CWF19L1: variants seen among roughly 807,000 people sequenced by gnomAD.
CWF19L1 encodes CWF19 like cell cycle control factor 1, also known as CWF19-like protein 1.
Under a neutral mutation model 69.7 loss-of-function variants are expected in CWF19L1, and 60 were observed. The observed-to-expected ratio is 0.86, with a 90% CI of 0.70 to 1.07. The LOEUF is 1.07. Ranked by LOEUF, CWF19L1 falls within the 50% of genes least tolerant of loss-of-function variation. CWF19L1 has a pLI of 0.00. For synonymous variants in CWF19L1, 209 were observed against 222.2 expected (o/e 0.94, Z 0.53); for missense variants, 591 against 638.9 (o/e 0.92, Z 0.81).
intron 6 of CWF19L1, among the ~76,000 whole-genome samples, chr10:100,252,837 A>AC (rs956825330): frequency 1.9e-4 from 29 of 151,380 alleles, no homozygotes; most frequent in Non-Finnish European, 4.1e-4. Flanking sequence ...TCCGTCTCAA[A>AC]AAAAAAAAAA....
At chr10:100,233,401 G>A (rs1410086999) in intron 13 of CWF19L1, 30 bp from the exon 14 acceptor site, 4 of 1,601,698 alleles carry the variant, frequency 2.5e-6, no homozygotes, top group Middle Eastern at 1.7e-4. Flanking sequence ...AAGTCAAAAT[G>A]GAAACTATCA....
intron 10 of CWF19L1, among the ~76,000 whole-genome samples, chr10:100,242,900 T>C (rs576665515): frequency 5.3e-4 from 80 of 152,108 alleles, no homozygotes; most frequent in African/African-American, 1.9e-3. Flanking sequence ...GCATCACCCC[T>C]AGAGAACCAT....
At chr10:100,256,115 T>C (rs1024784609) in intron 5 of CWF19L1, 147 bp downstream of exon 5, 3 of 633,510 alleles carry the variant, frequency 4.7e-6, no homozygotes, top group Non-Finnish European at 8.3e-6. Context: ...GACAGAACTT[T>C]TAGAATCCTG....
rs1333015672 is a variant in CWF19L1, at chr10:100,236,941, G to A, written c.1283C>T (p.Thr428Ile). ...QVIPVPISCSTTDDIKDAFIT... is the reference protein window; with the variant it reads ...QVIPVPISCSITDDIKDAFIT... Reference sequence around the variant, plus strand: ...GAAGGCATCTTTAATGTCATCAGTAGTAGAGCAGCTGATTGGGACAGGAAT... The same window carrying A: ...GAAGGCATCTTTAATGTCATCAGTAATAGAGCAGCTGATTGGGACAGGAAT... Residue 428 changes from threonine to isoleucine, a missense_variant, in exon 12 of 14, where the codon ACT becomes ATT. Coordinates refer to ENST00000354105, the MANE Select transcript of CWF19L1 (RefSeq NM_018294.6). 8 of 1,607,600 alleles carry A rather than the reference G, an allele frequency of 5.0e-6. No individual in the cohort carries two copies. Among genetic ancestry groups the A allele is most frequent in the Admixed American group, 1.7e-5 (1 of 58,616 alleles).
intron 1 of CWF19L1, 59 bp downstream of exon 1, chr10:100,267,512 C>T: frequency 1.2e-6 from 2 of 1,613,742 alleles, no homozygotes; most frequent in Non-Finnish European, 8.5e-7. Context: ...CCGCCCGTGT[C>T]GTCACCTACA....
intron 4 of CWF19L1, among the ~76,000 whole-genome samples, chr10:100,256,958 T>G (rs1252149040): frequency 1.3e-5 from 2 of 152,204 alleles, no homozygotes; most frequent in African/African-American, 4.8e-5. Flanking sequence ...AGCGTGTGCC[T>G]GTAGTCCCAG....
rs1847211979 is a variant in CWF19L1, at chr10:100,256,327, T to A, written c.439A>T (p.Lys147Ter). Residue 147 changes from lysine to a stop codon, truncating the protein, a stop_gained, in exon 5 of 14, where the codon AAG becomes TAG. Coordinates refer to ENST00000354105, the MANE Select transcript of CWF19L1 (RefSeq NM_018294.6). LOFTEE classifies it high-confidence loss of function. ...GATGTGAGCAAGATATCAACACCCT[T>A]AAACTGGGAGGTTGTACACAGCATC... ...RMMLCTTSQF[K>*]GVDILLTSPW... 1 of 1,613,972 alleles carries A rather than the reference T, an allele frequency of 6.2e-7. No homozygotes were observed. The highest frequency in any genetic ancestry group is 1.7e-5 in the Admixed American group (1 of 59,998).
At chr10:100,253,151 C>T (rs1360919918) in intron 6 of CWF19L1, among the ~76,000 whole-genome samples, 1 of 152,154 alleles carries the variant, frequency 6.6e-6, no homozygotes, top group Non-Finnish European at 1.5e-5. Context: ...TTCCAAGTAG[C>T]TGGAACCACA....
intron 12 of CWF19L1, 85 bp downstream of exon 12, chr10:100,236,761 CTCTG>C: frequency 1.4e-6 from 2 of 1,480,918 alleles, no homozygotes; most frequent in Non-Finnish European, 1.8e-6. Context: ...CAGAGCAAGA[CTCTG>C]TCTCAAACAA....
chr10:100,244,049 G>A (rs1340070542), intron 9 of CWF19L1, among the ~76,000 whole-genome samples: 1 of 152,116 alleles, frequency 6.6e-6, no homozygotes, highest in Non-Finnish European at 1.5e-5. Context: ...CTGGCAATAG[G>A]CTACAACAAA....
intron 4 of CWF19L1, among the ~76,000 whole-genome samples, chr10:100,257,861 A>G (rs986590500): frequency 6.6e-6 from 1 of 151,970 alleles, no homozygotes; most frequent in African/African-American, 2.4e-5. Flanking sequence ...CTTCCTTAAT[A>G]ATTTGATCCT....
rs780532663 is a variant in CWF19L1, at chr10:100,238,073, T to C, written c.1203A>G (p.Lys401=). 5 of 1,614,192 alleles carry C rather than the reference T, an allele frequency of 3.1e-6. No individual in the cohort carries two copies. The highest frequency in any genetic ancestry group is 2.2e-5 in the East Asian group (1 of 44,888). ...TLRRFFKSRG[K]WCVVFERNYK... ...AATTTCTCTCAAATACAACACACCA[T>C]TTCCCTCGACTCTTAAAGAACCGTC... Residue 401 remains lysine (K), a synonymous_variant, in exon 11 of 14, where the codon AAA becomes AAG. Transcript: ENST00000354105.
chr10:100,238,737 C>T (rs1340111978), intron 10 of CWF19L1, among the ~76,000 whole-genome samples: 1 of 152,100 alleles, frequency 6.6e-6, no homozygotes, highest in East Asian at 1.9e-4. Context: ...CCAGACTAGG[C>T]TGACCAATAT....
At chr10:100,266,569 C>T (rs574653587) in intron 1 of CWF19L1, among the ~76,000 whole-genome samples, 5 of 151,678 alleles carry the variant, frequency 3.3e-5, no homozygotes, top group Non-Finnish European at 5.9e-5. Context: ...GGCTGGAGTG[C>T]AGAGGTGCAG....
chr10:100,258,097 G>A (rs147724154), intron 4 of CWF19L1, among the ~76,000 whole-genome samples: 346 of 152,248 alleles, frequency 2.3e-3, no homozygotes, highest in African/African-American at 7.9e-3. Flanking sequence ...AATTAGCCGG[G>A]CATGGTGGCA....
In CWF19L1 at chr10:100,243,702, G is replaced by A. The variant is rs1272136244; in HGVS notation, c.1040C>T (p.Thr347Ile). 3 of 1,613,956 alleles carry A rather than the reference G, an allele frequency of 1.9e-6. No homozygotes were observed. Among genetic ancestry groups the A allele is most frequent in the Non-Finnish European group, 2.5e-6 (3 of 1,179,806 alleles). Residue 347 changes from threonine (T) to isoleucine (I), a missense_variant, in exon 10 of 14, where the codon ACA becomes ATA. By Grantham distance (89) the Thr-to-Ile change is moderately conservative. Coordinates refer to ENST00000354105, the MANE Select transcript of CWF19L1 (RefSeq NM_018294.6). ...AAGTCCAAGGAAGTAACTCACATGT[G>A]TGCCGATGTTGACCACCAAATGTTT... is the stretch of plus-strand genomic sequence containing the variant. The part of the protein sequence containing the change: ...VEKHLVVNIG[T>I]HCYLALAKGG...
rs529861070 is a variant in CWF19L1 at position 100,253,556 on chromosome 10, T to TA, written c.505-18dup. ...CACTTCTCCCTAGTAAACAAAAACT[T>TA]AGTCATCCATACAGACCAAAAGTTA... On this transcript the variant is annotated splice_polypyrimidine_tract_variant and intron_variant, in intron 5 of 13. Coordinates refer to ENST00000354105, the MANE Select transcript of CWF19L1 (RefSeq NM_018294.6). The TA allele has an allele frequency of 5.4e-5, 78 of 1,443,396 alleles. No homozygotes were observed. The African/African-American group carries it at 5.9e-4, about 11-fold the overall frequency. 89.4% of individuals were successfully genotyped at this position (1,443,396 alleles called of 1,614,324 possible). A position where few individuals can be genotyped will look rare whatever the true frequency, so the allele number is the denominator to read the frequency against.
At chr10:100,245,667 T>C in intron 9 of CWF19L1, 132 bp downstream of exon 9, 1 of 654,308 alleles carries the variant, frequency 1.5e-6, no homozygotes, top group Non-Finnish European at 2.7e-6. Flanking sequence ...TTATTTTTAC[T>C]GTTGGTCCTA....
intron 13 of CWF19L1, among the ~76,000 whole-genome samples, chr10:100,234,861 A>G (rs181671135): frequency 6.6e-6 from 1 of 152,292 alleles, no homozygotes. Context: ...ACAGAACTGA[A>G]GCCTCCTCTA....
Sources: allele counts gnomAD v4.1 joint callset (sites outside exome capture counted in the v4.1 genomes callset), GRCh38; gene constraint gnomAD v4.1.1; transcripts MANE v1.5; gene names NCBI Gene and HGNC (gene_info 2026-07-23, HGNC 2026-07-21).